SPATA21: variants seen among roughly 807,000 people sequenced by gnomAD.
SPATA21 encodes the protein spermatogenesis associated 21, also known as spermatogenesis-associated protein 21.
Under a neutral mutation model 54.8 loss-of-function variants are expected in SPATA21, and 47 were observed. That is an observed-to-expected ratio of 0.86 (90% CI 0.68 to 1.09). The LOEUF (loss-of-function observed/expected upper bound fraction) is 1.09, where lower values mean the gene tolerates loss of function less well. Among genes scored for constraint, SPATA21 ranks in the 50% least tolerant of loss-of-function variants. SPATA21 has a pLI of 0.00. For synonymous variants in SPATA21, 245 were observed against 235.3 expected (o/e 1.04, Z -0.38); for missense variants, 599 against 596.4 (o/e 1.00, Z -0.05).
intron 7 of SPATA21, among the ~76,000 whole-genome samples, chr1:16,406,414 G>A (rs1479601645): frequency 3.9e-5 from 6 of 152,172 alleles, no homozygotes; most frequent in Non-Finnish European, 8.8e-5. Flanking sequence ...CTTTAGGGTG[G>A]GCCCTAATCC....
intron 5 of SPATA21, among the ~76,000 whole-genome samples, chr1:16,417,654 C>T (rs1292547924): frequency 1.3e-5 from 2 of 151,984 alleles, no homozygotes; most frequent in East Asian, 3.9e-4. Flanking sequence ...AAGCTGGTCT[C>T]GAACTCCTGA....
chr1:16,417,347 C>A (rs2086038899), intron 5 of SPATA21, among the ~76,000 whole-genome samples: 1 of 152,118 alleles, frequency 6.6e-6, no homozygotes, highest in Non-Finnish European at 1.5e-5. Flanking sequence ...CAGCCTCTGC[C>A]TCCTGGGTTC....
chr1:16,408,998 T>G, intron 7 of SPATA21, 120 bp downstream of exon 7: 2 of 1,034,694 alleles, frequency 1.9e-6, no homozygotes, highest in African/African-American at 1.6e-5. Context: ...CTGCTGGGTC[T>G]GCTACACATG....
At position 16,400,898 on chromosome 1, in the gene SPATA21, G is replaced by A; in HGVS notation, c.1002-6C>T. 6.2e-7 allele frequency: 1 copy of A among 1,611,150 alleles called. No homozygotes were observed. Among genetic ancestry groups the A allele is most frequent in the Non-Finnish European group, 8.5e-7 (1 of 1,178,514 alleles). On this transcript the variant is annotated splice_region_variant and splice_polypyrimidine_tract_variant and intron_variant, in intron 10 of 12. Transcript: ENST00000335496. ...TCAGCTTTTTCTGGTAGTAGCTGGG[G>A]AGGCAGTGCCCACCCATCTCAGCCT...
intron 1 of SPATA21, among the ~76,000 whole-genome samples, chr1:16,436,796 A>C (rs541040342): frequency 1.3e-5 from 2 of 151,816 alleles, no homozygotes; most frequent in South Asian, 4.2e-4. Context: ...ACAAAAAAAA[A>C]ACACCAAAAA....
chr1:16,429,491 T>G (rs2086404333), intron 3 of SPATA21, among the ~76,000 whole-genome samples: 1 of 152,060 alleles, frequency 6.6e-6, no homozygotes, highest in African/African-American at 2.4e-5. Context: ...TATTTATTTT[T>G]GAGATGGAGT....
At position 16,421,822 on chromosome 1, in the gene SPATA21, A is replaced by G; in HGVS notation, c.95+89T>C. The G allele has an allele frequency of 1.3e-6, 2 of 1,589,988 alleles. No homozygotes were observed. The highest frequency in any genetic ancestry group is 1.1e-5 in the South Asian group (1 of 90,090). ...GCCCAAGGTCCTCTACCAGGTCAGGAGCAGTCTGGACTAGAATTCACCCCA... is the reference window on the plus strand; with the variant it reads ...GCCCAAGGTCCTCTACCAGGTCAGGGGCAGTCTGGACTAGAATTCACCCCA... On this transcript the variant is annotated intron_variant, in intron 4 of 12. Transcript: ENST00000335496. The surrounding 1 kb of genome is among the most constrained non-coding windows in gnomAD (Gnocchi z 5.2).
chr1:16,430,020 T>C (rs2086418105), intron 3 of SPATA21, among the ~76,000 whole-genome samples: 1 of 142,162 alleles, frequency 7.0e-6, no homozygotes, highest in South Asian at 2.2e-4. Context: ...CAAAAAAAAT[T>C]AGACGGAAAT....
In SPATA21 at chr1:16,428,135, C is replaced by A. The variant is rs374527167; in HGVS notation, c.34+3203G>T. ...CCTCAAGGACAGGGAGATCCTGTGC[C>A]TGATTGGGGAAGCTGTTGGAGAGGG... On this transcript the variant is annotated intron_variant, in intron 3 of 12. Coordinates refer to ENST00000335496, the MANE Select transcript of SPATA21 (RefSeq NM_198546.1). This position sits in a 1 kb window ranked among gnomAD's most constrained non-coding sequence, Gnocchi z 4.3. 1.5e-6 allele frequency: 2 copies of A among 1,301,776 alleles called. No homozygotes were observed. Among genetic ancestry groups the A allele is most frequent in the South Asian group, 1.7e-5 (1 of 60,096 alleles). 80.6% of individuals were successfully genotyped at this position (1,301,776 alleles called of 1,614,324 possible). A position where few individuals can be genotyped will look rare whatever the true frequency, so the allele number is the denominator to read the frequency against.
intron 1 of SPATA21, among the ~76,000 whole-genome samples, chr1:16,434,557 A>ATG: frequency 6.6e-6 from 1 of 152,162 alleles, no homozygotes; most frequent in East Asian, 1.9e-4. Flanking sequence ...TGGCCTCCCA[A>ATG]AGTGCTGAGA....
In SPATA21 at chr1:16,437,388, G is replaced by A. The variant is rs951776107; in HGVS notation, c.-447C>T. 6.6e-6 allele frequency: 1 copy of A among 152,166 alleles called. No individual in the cohort carries two copies. Among genetic ancestry groups the A allele is most frequent in the Non-Finnish European group, 1.5e-5 (1 of 68,054 alleles). 9.4% of individuals were successfully genotyped at this position (152,166 alleles called of 1,614,324 possible). A position where few individuals can be genotyped will look rare whatever the true frequency, so the allele number is the denominator to read the frequency against. ...GGGGCTGTGTGACCTCCAACTACTGGACAGTGTCATTTCCCCCAGCTTGTC... is the reference window on the plus strand; with the variant it reads ...GGGGCTGTGTGACCTCCAACTACTGAACAGTGTCATTTCCCCCAGCTTGTC... On this transcript the variant is annotated 5_prime_UTR_variant, in exon 1 of 13. Transcript: ENST00000335496.
At chr1:16,427,719 C>A in intron 3 of SPATA21, 1 of 823,770 alleles carries the variant, frequency 1.2e-6, no homozygotes, top group African/African-American at 1.7e-5. Context: ...TTTAGTGCAA[C>A]TGGTGCAATG....
intron 3 of SPATA21, chr1:16,427,771 G>T: frequency 7.1e-7 from 1 of 1,399,332 alleles, no homozygotes; most frequent in Non-Finnish European, 9.6e-7. Context: ...AGCTGCCTTG[G>T]CCTGGGAGTT....
At chr1:16,411,137 G>A (rs558410128) in intron 5 of SPATA21, among the ~76,000 whole-genome samples, 5 of 151,996 alleles carry the variant, frequency 3.3e-5, no homozygotes, top group South Asian at 2.1e-4. Flanking sequence ...TATCAACTTC[G>A]CTTTCCCCAC....
Position 16,409,096 on chromosome 1 carries a change from T to C in SPATA21, c.673+22A>G. The C allele has an allele frequency of 6.2e-7, 1 of 1,613,472 alleles. No individual in the cohort carries two copies. Among genetic ancestry groups the C allele is most frequent in the Non-Finnish European group, 8.5e-7 (1 of 1,179,488 alleles). ...CAAGGGTCCTGCCTGTGCTGGGACC[T>C]CCCTGACCTCCCTGCCCTCACCTTC... On this transcript the variant is annotated intron_variant, in intron 7 of 12. Coordinates refer to ENST00000335496, the MANE Select transcript of SPATA21 (RefSeq NM_198546.1). This position sits in a 1 kb window ranked among gnomAD's most constrained non-coding sequence, Gnocchi z 4.1.
Position 16,409,195 on chromosome 1 carries a change from G to C in SPATA21, c.596C>G (p.Pro199Arg). 1.9e-6 allele frequency: 3 copies of C among 1,614,074 alleles called. No homozygotes were observed. Among genetic ancestry groups the C allele is most frequent in the African/African-American group, 1.3e-5 (1 of 75,030 alleles). The change falls in exon 7 of 13, where the codon CCG becomes CGG. Residue 199 changes from proline (P) to arginine (R), a missense_variant. By Grantham distance (103) the Pro-to-Arg change is moderately radical (BLOSUM62 -2). Transcript: ENST00000335496. The surrounding 1 kb of genome is among the most constrained non-coding windows in gnomAD (Gnocchi z 4.1). ...AAGCTTTTGGAGGCTCTGCTCTTCCGGCTCCTGCCTGCAGAGGACAGAACC... is the reference window on the plus strand; with the variant it reads ...AAGCTTTTGGAGGCTCTGCTCTTCCCGCTCCTGCCTGCAGAGGACAGAACC... The part of the protein sequence containing the change: ...TLSYAKARQE[P>R]EEQSLQKLYQ...
intron 7 of SPATA21, among the ~76,000 whole-genome samples, chr1:16,405,720 T>A (rs2085618923): frequency 6.6e-6 from 1 of 152,122 alleles, no homozygotes; most frequent in African/African-American, 2.4e-5. Context: ...GTCTGACTAG[T>A]ACACGGCCTT....
Position 16,433,128 on chromosome 1 carries a change from G to A in SPATA21, c.-186-204C>T, listed in dbSNP as rs183980672. On this transcript the variant is annotated intron_variant, in intron 1 of 12. Coordinates refer to ENST00000335496, the MANE Select transcript of SPATA21 (RefSeq NM_198546.1). ...GATAACTGTTTAATGACACGTGCCCGTGCTAGGGACAACGTCAGGCCTTAG... is the reference window on the plus strand; with the variant it reads ...GATAACTGTTTAATGACACGTGCCCATGCTAGGGACAACGTCAGGCCTTAG... Among the ~76,000 whole-genome samples, 114 of 152,304 alleles carry A rather than the reference G, an allele frequency of 7.5e-4. 1 individual carries two copies. The highest frequency in any genetic ancestry group is 2.5e-3 in the African/African-American group (102 of 41,566).
At chr1:16,434,349 G>T (rs112998420) in intron 1 of SPATA21, among the ~76,000 whole-genome samples, 1 of 151,180 alleles carries the variant, frequency 6.6e-6, no homozygotes, top group Non-Finnish European at 1.5e-5. Flanking sequence ...GCAGCAGTGC[G>T]ATCGTAGCTT....
Sources: allele counts gnomAD v4.1 joint callset (sites outside exome capture counted in the v4.1 genomes callset), GRCh38; gene constraint gnomAD v4.1.1; non-coding constraint Gnocchi (gnomAD v3.1); transcripts MANE v1.5; gene names NCBI Gene and HGNC (gene_info 2026-07-23, HGNC 2026-07-21).